TSNARE1: variants seen among roughly 807,000 people sequenced by gnomAD.
The protein encoded by TSNARE1 is t-SNARE domain containing 1.
In TSNARE1, 49 loss-of-function variants were observed where a neutral mutation model predicts 62.0. That is an observed-to-expected ratio of 0.79 (90% CI 0.63 to 1.00). The LOEUF is 1.00. TSNARE1 is among the 50% of genes least tolerant of loss of function. The probability of loss-of-function intolerance (pLI) is 0.00; values close to 1 mark genes in which losing one functional copy is unlikely to be tolerated. For synonymous variants in TSNARE1, 328 were observed against 294.4 expected (o/e 1.11, Z -1.17); for missense variants, 755 against 700.1 (o/e 1.08, Z -0.88).
At chr8:142,281,789 C>T (rs1196525176) in intron 11 of TSNARE1, among the ~76,000 whole-genome samples, 25 of 151,814 alleles carry the variant, frequency 1.6e-4, no homozygotes, top group African/African-American at 2.4e-5. Flanking sequence ...GGCACTGTGA[C>T]CTCTGTCCCA....
At chr8:142,249,871 C>T (rs550106665) in intron 12 of TSNARE1, among the ~76,000 whole-genome samples, 12 of 152,354 alleles carry the variant, frequency 7.9e-5, no homozygotes, top group Non-Finnish European at 1.5e-4. Context: ...GCCAGACCGG[C>T]CCATGGTGGC....
Position 142,318,650 on chromosome 8 carries a change from G to C in TSNARE1, c.894-16C>G. The stretch of plus-strand genomic sequence containing the variant: ...TGCCGTGTGCCTGGGGGCCGAGAAG[G>C]AGCCAGGAGCGAAGGCAGGGGAGGA... On this transcript the variant is annotated splice_polypyrimidine_tract_variant and intron_variant, in intron 6 of 13. Transcript: ENST00000524325. 1 of 1,613,302 alleles carries C rather than the reference G, an allele frequency of 6.2e-7. No homozygotes were observed. The highest frequency in any genetic ancestry group is 8.5e-7 in the Non-Finnish European group (1 of 1,179,840).
chr8:142,352,698 C>CAGGGA (rs148077050), intron 2 of TSNARE1, among the ~76,000 whole-genome samples: 4,263 of 152,334 alleles, frequency 0.028, 66 homozygotes, highest in East Asian at 0.068. Flanking sequence ...CGTCTGAGCC[C>CAGGGA]AGGGAAGTTC....
At chr8:142,222,280 ACTCATTCACT>A (rs201701243) in intron 13 of TSNARE1, among the ~76,000 whole-genome samples, 4 of 23,212 alleles carry the variant, frequency 1.7e-4, no homozygotes, top group African/African-American at 3.9e-4. Flanking sequence ...TCACTCATCC[ACTCATTCACT>A]CTCACTCATT....
In TSNARE1 at chr8:142,367,028, AAAATATAGTATACCTAGGAAT is replaced by A. The variant is rs563428967; in HGVS notation, c.-39-12286_-39-12266del. On this transcript the variant is annotated intron_variant, in intron 1 of 13. Coordinates refer to ENST00000524325, the MANE Select transcript of TSNARE1 (RefSeq NM_145003.5). ...AAAAACCCATTTACAATAGCAACGA[AAAATATAGTATACCTAGGAAT>A]AAATTTAACATGAAATGGGAAAAAT... Among the ~76,000 whole-genome samples the A allele has an allele frequency of 5.7e-3, 863 of 152,326 alleles. 2 individuals carry two copies. The highest frequency in any genetic ancestry group is 8.1e-3 in the Non-Finnish European group (554 of 68,018).
chr8:142,332,018 T>A (rs1831124140), intron 4 of TSNARE1, among the ~76,000 whole-genome samples, 187 bp from the exon 5 acceptor site: 1 of 152,162 alleles, frequency 6.6e-6, no homozygotes, highest in African/African-American at 2.4e-5. Context: ...GCACCTGCCT[T>A]CACAGTACCT....
intron 12 of TSNARE1, chr8:142,272,484 ACCTT>A (rs1480626645): frequency 7.1e-6 from 1 of 140,858 alleles, no homozygotes; most frequent in Non-Finnish European, 9.4e-6. Context: ...GCCCGTCTAC[ACCTT>A]CCTTCTTCCA....
intron 4 of TSNARE1, among the ~76,000 whole-genome samples, chr8:142,335,908 A>G (rs1831688822): frequency 1.3e-5 from 2 of 152,230 alleles, no homozygotes; most frequent in Admixed American, 1.3e-4. Context: ...AGGGCCTTTC[A>G]TCATTACCAA....
At chr8:142,324,109 G>A (rs551791704) in intron 6 of TSNARE1, among the ~76,000 whole-genome samples, 6 of 152,290 alleles carry the variant, frequency 3.9e-5, no homozygotes, top group East Asian at 1.9e-4. Context: ...TGCAATGCCC[G>A]GAACCATAAG....
At chr8:142,331,860 C>T in intron 4 of TSNARE1, 29 bp from the exon 5 acceptor site, 2 of 1,590,090 alleles carry the variant, frequency 1.3e-6, no homozygotes, top group Non-Finnish European at 1.7e-6. Flanking sequence ...GAGGAAAGAA[C>T]ACAGGCTAAG....
chr8:142,288,550 C>A (rs1286902867), intron 10 of TSNARE1, among the ~76,000 whole-genome samples: 1 of 152,252 alleles, frequency 6.6e-6, no homozygotes, highest in African/African-American at 2.4e-5. Context: ...TCCTCCTGGG[C>A]AGAAGGGTTT....
intron 9 of TSNARE1, 60 bp from the exon 10 acceptor site, chr8:142,300,704 G>T: frequency 1.3e-6 from 2 of 1,547,526 alleles, no homozygotes; most frequent in Admixed American, 1.8e-5. Flanking sequence ...CACAACCCAG[G>T]CCCAGAAATT....
intron 4 of TSNARE1, among the ~76,000 whole-genome samples, chr8:142,336,213 C>T (rs943072549): frequency 4.2e-5 from 6 of 142,330 alleles, no homozygotes; most frequent in East Asian, 4.3e-4. Context: ...CCTGGGAGAT[C>T]GAGGCTGCAG....
At chr8:142,295,243 C>A (rs1157747006) in intron 10 of TSNARE1, among the ~76,000 whole-genome samples, 1 of 152,232 alleles carries the variant, frequency 6.6e-6, no homozygotes, top group Non-Finnish European at 1.5e-5. Context: ...GTGGGCAGCC[C>A]CAGGTGAAAA....
At chr8:142,248,398 G>C (rs921650293) in intron 12 of TSNARE1, among the ~76,000 whole-genome samples, 1 of 152,188 alleles carries the variant, frequency 6.6e-6, no homozygotes, top group African/African-American at 2.4e-5. Flanking sequence ...ATTGAGTAAC[G>C]GGACAAAGAG....
intron 2 of TSNARE1, among the ~76,000 whole-genome samples, chr8:142,347,935 C>T (rs1833593416): frequency 6.6e-6 from 1 of 152,236 alleles, no homozygotes; most frequent in Non-Finnish European, 1.5e-5. Flanking sequence ...CAGGTCCTGC[C>T]CACTGCACCA....
intron 1 of TSNARE1, among the ~76,000 whole-genome samples, chr8:142,355,067 T>C (rs1271607627): frequency 6.6e-6 from 1 of 152,128 alleles, no homozygotes; most frequent in East Asian, 1.9e-4. Flanking sequence ...GGCCGGCTCT[T>C]AAAGACCAAC....
chr8:142,267,467 A>G (rs887681379), intron 12 of TSNARE1, among the ~76,000 whole-genome samples: 14 of 152,194 alleles, frequency 9.2e-5, no homozygotes, highest in Non-Finnish European at 2.9e-5. Flanking sequence ...AGCACTGCGT[A>G]GGGAAAGGGC....
rs151294635 is a variant in TSNARE1 at position 142,291,658 on chromosome 8, C to T, written c.1291-7173G>A. 9.3e-4 allele frequency among the ~76,000 whole-genome samples: 142 copies of T among 152,296 alleles called. No homozygotes were observed. Among genetic ancestry groups the T allele is most frequent in the Middle Eastern group, 3.4e-3 (1 of 294 alleles). On this transcript the variant is annotated intron_variant, in intron 10 of 13. Coordinates refer to ENST00000524325, the MANE Select transcript of TSNARE1 (RefSeq NM_145003.5). This position sits in a 1 kb window ranked among gnomAD's most constrained non-coding sequence, Gnocchi z 4.8. ...GGAACAGGCAACGCCGTTGCCTCCG[C>T]GGGCTTACGCTCGAGTGGCGAGAGA...
Sources: gnomAD v4.1 joint callset for allele counts (sites outside exome capture counted in the v4.1 genomes callset) on GRCh38, gnomAD v4.1.1 for gene constraint, Gnocchi (gnomAD v3.1) non-coding constraint, MANE v1.5 for transcripts, NCBI Gene and HGNC (gene_info 2026-07-23, HGNC 2026-07-21) for gene names.